SHTN1: variants seen among roughly 807,000 people sequenced by gnomAD.
The protein encoded by SHTN1 is shootin 1, also known as shootin-1.
In SHTN1, 42 loss-of-function variants were observed where a neutral mutation model predicts 83.1. The observed-to-expected ratio is 0.51, with a 90% CI of 0.39 to 0.65. The LOEUF (loss-of-function observed/expected upper bound fraction) is 0.65. Ranked by LOEUF, SHTN1 falls within the 30% of genes least tolerant of loss-of-function variation. SHTN1 has a pLI of 0.00. For synonymous variants in SHTN1, 224 were observed against 247.7 expected (o/e 0.90, Z 0.90); for missense variants, 622 against 737.8 (o/e 0.84, Z 1.82).
chr10:116,890,790 T>C (rs990619373), intron 16 of SHTN1, among the ~76,000 whole-genome samples: 2 of 152,204 alleles, frequency 1.3e-5, no homozygotes, highest in African/African-American at 4.8e-5. Context: ...CTCCAAACCA[T>C]ACTGGTACCA....
intron 11 of SHTN1, among the ~76,000 whole-genome samples, chr10:116,926,231 C>A (rs939269680): frequency 6.6e-6 from 1 of 152,114 alleles, no homozygotes; most frequent in African/African-American, 2.4e-5. Context: ...GGGCTCTCAA[C>A]ATTTCTGAGA....
intron 6 of SHTN1, among the ~76,000 whole-genome samples, chr10:116,949,595 C>T (rs1450308801): frequency 6.6e-6 from 1 of 152,156 alleles, no homozygotes; most frequent in African/African-American, 2.4e-5. Context: ...AGCACACCAA[C>T]ATGGCACATG....
intron 1 of SHTN1, among the ~76,000 whole-genome samples, chr10:117,004,182 C>G (rs533539296): frequency 6.6e-6 from 1 of 152,150 alleles, no homozygotes; most frequent in African/African-American, 2.4e-5. Flanking sequence ...CCACCGCACC[C>G]GGCTGGTTCC....
At chr10:117,044,263 T>G (rs1852629410) in intron 2 of SHTN1, among the ~76,000 whole-genome samples, 1 of 130,054 alleles carries the variant, frequency 7.7e-6, no homozygotes. Context: ...GGCTCATTTA[T>G]ACTATTCTAT....
chr10:117,084,911 C>A (rs937535546), intron 1 of SHTN1, among the ~76,000 whole-genome samples: 26 of 152,094 alleles, frequency 1.7e-4, no homozygotes, highest in Admixed American at 5.2e-4. Flanking sequence ...ACGGTGCGCG[C>A]CCCCACTGAC....
intron 1 of SHTN1, among the ~76,000 whole-genome samples, chr10:117,113,047 T>C (rs1459185482): frequency 2.0e-5 from 3 of 152,244 alleles, no homozygotes; most frequent in Non-Finnish European, 2.9e-5. Flanking sequence ...CAGACAGGCA[T>C]GAATTCCTGG....
chr10:117,017,994 G>A (rs1017165943), intron 2 of SHTN1, among the ~76,000 whole-genome samples: 6 of 152,046 alleles, frequency 3.9e-5, no homozygotes, highest in African/African-American at 1.2e-4. Context: ...CATAATCTTC[G>A]AAACTGCTAA....
In SHTN1 at chr10:116,881,655, G is replaced by A. The variant is rs1212777343; in HGVS notation, c.*4689C>T. 6.5e-7 allele frequency: 1 copy of A among 1,546,162 alleles called. No individual in the cohort carries two copies. Among genetic ancestry groups the A allele is most frequent in the East Asian group, 2.4e-5 (1 of 40,824 alleles). On this transcript the variant is annotated 3_prime_UTR_variant, in exon 17 of 17. Coordinates refer to ENST00000355371, the MANE Select transcript of SHTN1 (RefSeq NM_001127211.3). ...TGTAGAGGAATCAGCCGAAACAGGAGCATCCTCTGGATAGGGCTGTACACA... is the reference window on the plus strand; with the variant it reads ...TGTAGAGGAATCAGCCGAAACAGGAACATCCTCTGGATAGGGCTGTACACA...
At chr10:116,965,664 T>C (rs559549385) in intron 3 of SHTN1, among the ~76,000 whole-genome samples, 22 of 152,374 alleles carry the variant, frequency 1.4e-4, no homozygotes, top group African/African-American at 5.1e-4. Context: ...GAACTCTTAA[T>C]ACTGAAGGGC....
Position 116,891,043 on chromosome 10 carries a change from G to C in SHTN1, c.1674-4477C>G, listed in dbSNP as rs75725843. Among the ~76,000 whole-genome samples the C allele has an allele frequency of 1.9e-3, 296 of 152,306 alleles. 1 individual carries two copies. The highest frequency in any genetic ancestry group is 6.9e-3 in the African/African-American group (285 of 41,562). Reference sequence around the variant, plus strand: ...AATGCCCAAAAGAGCCCTAATAGACGTGGTTCTGAGCTCAATTGAATACAA... The same window carrying C: ...AATGCCCAAAAGAGCCCTAATAGACCTGGTTCTGAGCTCAATTGAATACAA... On this transcript the variant is annotated intron_variant, in intron 16 of 16. Transcript: ENST00000355371.
intron 2 of SHTN1, among the ~76,000 whole-genome samples, chr10:117,026,296 T>C (rs1327745228): frequency 6.6e-6 from 1 of 152,130 alleles, no homozygotes; most frequent in African/African-American, 2.4e-5. Flanking sequence ...CCTGTGGGCC[T>C]GTGGTGGTAG....
intron 9 of SHTN1, 88 bp from the exon 10 acceptor site, chr10:116,930,090 T>G: frequency 1.2e-6 from 1 of 850,952 alleles, no homozygotes; most frequent in Non-Finnish European, 1.8e-6. Flanking sequence ...AATATTTCCC[T>G]TTGACTGTAC....
At chr10:117,022,856 T>C (rs967530994) in intron 2 of SHTN1, among the ~76,000 whole-genome samples, 22 of 152,162 alleles carry the variant, frequency 1.4e-4, no homozygotes, top group African/African-American at 4.8e-4. Flanking sequence ...AAGGGAAGGT[T>C]GCAGTGAGCC....
chr10:116,955,711 G>A (rs759140259), intron 4 of SHTN1, among the ~76,000 whole-genome samples: 9 of 152,160 alleles, frequency 5.9e-5, no homozygotes, highest in Non-Finnish European at 1.0e-4. Context: ...TCTGGAGCAC[G>A]AGAGGTTTGT....
At chr10:116,906,498 C>T in intron 15 of SHTN1, 129 bp downstream of exon 15, 1 of 888,994 alleles carries the variant, frequency 1.1e-6, no homozygotes, top group South Asian at 2.4e-5. Flanking sequence ...CCATCCCATA[C>T]TTCTCACTCA....
chr10:117,048,576 C>T, intron 1 of SHTN1: 1 of 551,496 alleles, frequency 1.8e-6, no homozygotes, highest in Non-Finnish European at 2.3e-6. Context: ...ATTAAGCATA[C>T]TGCATATTAA....
upstream of SHTN1, among the ~76,000 whole-genome samples, chr10:117,009,825 C>A (rs1852076355): frequency 6.6e-6 from 1 of 151,906 alleles, no homozygotes; most frequent in Non-Finnish European, 1.5e-5. Context: ...ATGGCATGAA[C>A]CCGGAAGGCG....
intron 2 of SHTN1, among the ~76,000 whole-genome samples, chr10:116,973,063 C>G (rs1484469425): frequency 6.6e-6 from 1 of 152,156 alleles, no homozygotes; most frequent in African/African-American, 2.4e-5. Flanking sequence ...CTTCCTTGCA[C>G]CACCCACTCC....
chr10:117,047,324 C>CA (rs1852678939), intron 2 of SHTN1, among the ~76,000 whole-genome samples: 1 of 152,118 alleles, frequency 6.6e-6, no homozygotes, highest in African/African-American at 2.4e-5. Context: ...CTCAGCCTCC[C>CA]AAAGTGCTGG....
Sources: gnomAD v4.1 joint callset for allele counts (sites outside exome capture counted in the v4.1 genomes callset) on GRCh38, gnomAD v4.1.1 for gene constraint, MANE v1.5 for transcripts, NCBI Gene and HGNC (gene_info 2026-07-23, HGNC 2026-07-21) for gene names.